ZNF385B: variants seen among roughly 807,000 people sequenced by gnomAD.
ZNF385B encodes the protein zinc finger protein 385B.
A neutral mutation model predicts 39.2 loss-of-function variants in ZNF385B; 23 were observed. That is an observed-to-expected ratio of 0.59 (90% CI 0.42 to 0.83). The LOEUF is 0.83. ZNF385B is among the 40% of genes least tolerant of loss of function. The pLI is 0.00. For synonymous variants in ZNF385B, 205 were observed against 222.6 expected, an observed-to-expected ratio of 0.92 and a Z score of 0.70; for missense variants, 552 against 598.9, an observed-to-expected ratio of 0.92 and a Z score of 0.82.
At chr2:179,545,204 T>G (rs1323534699) in intron 3 of ZNF385B, among the ~76,000 whole-genome samples, 2 of 152,152 alleles carry the variant, frequency 1.3e-5, no homozygotes, top group Non-Finnish European at 1.5e-5. Flanking sequence ...GTGCTCAGAT[T>G]CAGCCAGGAC....
intron 3 of ZNF385B, among the ~76,000 whole-genome samples, chr2:179,699,021 T>C (rs536387820): frequency 1.3e-5 from 2 of 152,254 alleles, no homozygotes; most frequent in Non-Finnish European, 2.9e-5. Context: ...ATATTCATAT[T>C]GGATTTAAAG....
intron 1 of ZNF385B, among the ~76,000 whole-genome samples, chr2:179,819,797 G>T (rs750686569): frequency 3.9e-5 from 6 of 152,110 alleles, no homozygotes; most frequent in Non-Finnish European, 8.8e-5. Flanking sequence ...CAGCCATGTT[G>T]TCAAATTCTA....
chr2:179,815,369 A>G (rs961712543), intron 1 of ZNF385B, among the ~76,000 whole-genome samples: 2 of 152,186 alleles, frequency 1.3e-5, no homozygotes, highest in Non-Finnish European at 2.9e-5. Flanking sequence ...GTTCACTTTT[A>G]TTACCTAAGT....
chr2:179,746,176 C>G (rs1325041044), intron 3 of ZNF385B: 1 of 294,102 alleles, frequency 3.4e-6, no homozygotes, highest in Non-Finnish European at 5.1e-6. Context: ...AAAGTCTCCA[C>G]AGATTTAGCA....
At chr2:179,630,235 C>T (rs1400837047) in intron 3 of ZNF385B, among the ~76,000 whole-genome samples, 1 of 152,240 alleles carries the variant, frequency 6.6e-6, no homozygotes, top group Non-Finnish European at 1.5e-5. Flanking sequence ...GACTCCTGTG[C>T]AGCCTAACTG....
chr2:179,454,201 A>G (rs1398279750), intron 6 of ZNF385B, among the ~76,000 whole-genome samples: 1 of 152,220 alleles, frequency 6.6e-6, no homozygotes, highest in Admixed American at 6.5e-5. Context: ...TCACATAATG[A>G]CATTTCAGTC....
intron 1 of ZNF385B, among the ~76,000 whole-genome samples, chr2:179,790,924 T>C (rs901838000): frequency 1.8e-4 from 27 of 152,222 alleles, no homozygotes; most frequent in Admixed American, 1.8e-3. Flanking sequence ...ATTTATGCTG[T>C]AATTTATCAG....
chr2:179,504,074 T>C lies in ZNF385B; in HGVS notation c.552+14454A>G, dbSNP rs547772557. ...CCAGAGTGTGATAGTCCCCTTCCTG[T>C]GTCCATGTGATCTCATTGTTCAATT... On this transcript the variant is annotated intron_variant, in intron 5 of 9. Transcript: ENST00000410066. Among the ~76,000 whole-genome samples, 149 of 148,668 alleles carry C rather than the reference T, an allele frequency of 1.0e-3. 4 individuals carry two copies. Among genetic ancestry groups the C allele is most frequent in the Non-Finnish European group, 6.7e-4 (45 of 67,620 alleles).
chr2:179,541,084 G>A (rs1286522334), intron 4 of ZNF385B, among the ~76,000 whole-genome samples: 1 of 152,192 alleles, frequency 6.6e-6, no homozygotes, highest in African/African-American at 2.4e-5. Flanking sequence ...GAAGCACAGA[G>A]TTAACATCAT....
At chr2:179,493,351 G>GTA (rs536337557) in intron 5 of ZNF385B, among the ~76,000 whole-genome samples, 48 of 144,378 alleles carry the variant, frequency 3.3e-4, no homozygotes, top group South Asian at 9.1e-4. Flanking sequence ...TATATGGCAT[G>GTA]TATATATATA....
intron 5 of ZNF385B, among the ~76,000 whole-genome samples, chr2:179,513,387 T>C (rs2057833020): frequency 6.6e-6 from 1 of 152,198 alleles, no homozygotes; most frequent in African/African-American, 2.4e-5. Flanking sequence ...AGAAGTCTAA[T>C]TTCTTTCTTC....
chr2:179,749,963 A>G (rs566127209), intron 3 of ZNF385B, among the ~76,000 whole-genome samples: 1 of 152,142 alleles, frequency 6.6e-6, no homozygotes, highest in Admixed American at 6.6e-5. Flanking sequence ...AGGGTCAACC[A>G]CTCCTTTTAA....
At chr2:179,483,200 G>A in intron 6 of ZNF385B, 72 bp downstream of exon 6, 2 of 1,546,302 alleles carry the variant, frequency 1.3e-6, no homozygotes, top group Non-Finnish European at 1.8e-6. Flanking sequence ...ACAACTGAGG[G>A]CAGGAAAACG....
chr2:179,458,620 G>A (rs1171375046), intron 6 of ZNF385B, among the ~76,000 whole-genome samples: 1 of 152,142 alleles, frequency 6.6e-6, no homozygotes, highest in Non-Finnish European at 1.5e-5. Context: ...TCTTTTGTAA[G>A]AGAAGTATAT....
At position 179,571,092 on chromosome 2, in the gene ZNF385B, A is replaced by T. The variant is rs796334659; in HGVS notation, c.299-26123T>A. ...TATATAGTGATATTACATGCATAGT[A>T]GCTAACTTTCATTAACAATTTAAAC... On this transcript the variant is annotated intron_variant, in intron 3 of 9. Transcript: ENST00000410066. Among the ~76,000 whole-genome samples the T allele has an allele frequency of 7.9e-5, 12 of 152,352 alleles. 1 individual carries two copies. The highest frequency in any genetic ancestry group is 2.9e-4 in the African/African-American group (12 of 41,586).
chr2:179,495,177 G>A (rs926794090), intron 5 of ZNF385B, among the ~76,000 whole-genome samples: 1 of 152,166 alleles, frequency 6.6e-6, no homozygotes, highest in Admixed American at 6.5e-5. Flanking sequence ...TTCATGACAA[G>A]CTGACTTAAG....
intron 3 of ZNF385B, among the ~76,000 whole-genome samples, chr2:179,671,032 G>T (rs1280853359): frequency 6.6e-6 from 1 of 152,240 alleles, no homozygotes; most frequent in Admixed American, 6.5e-5. Flanking sequence ...AGAATTAAAT[G>T]AGATACTACA....
intron 6 of ZNF385B, among the ~76,000 whole-genome samples, chr2:179,452,523 T>A (rs1033182002): frequency 6.6e-6 from 1 of 152,096 alleles, no homozygotes; most frequent in African/African-American, 2.4e-5. Flanking sequence ...CAATAAAAAA[T>A]TAATATTCTA....
At chr2:179,625,909 T>A (rs1299302472) in intron 3 of ZNF385B, among the ~76,000 whole-genome samples, 5 of 152,004 alleles carry the variant, frequency 3.3e-5, no homozygotes, top group Non-Finnish European at 7.4e-5. Context: ...TCCCCTCTCA[T>A]TCTCTGCTGT....
Sources: allele counts gnomAD v4.1 joint callset (sites outside exome capture counted in the v4.1 genomes callset), GRCh38; gene constraint gnomAD v4.1.1; transcripts MANE v1.5; gene names NCBI Gene and HGNC (gene_info 2026-07-23, HGNC 2026-07-21).